CCDC66: variants seen among roughly 807,000 people sequenced by gnomAD.
CCDC66 encodes the protein coiled-coil domain containing 66.
CCDC66 carries 133 observed loss-of-function variants against 128.3 expected under a neutral mutation model. The ratio of observed to expected loss-of-function variants is 1.04; its 90% CI spans 0.90 to 1.20. The LOEUF (loss-of-function observed/expected upper bound fraction) is 1.20. CCDC66 is among the 50% of genes most tolerant of loss of function. The probability of loss-of-function intolerance (pLI) is 0.00; values close to 1 mark genes in which losing one functional copy is unlikely to be tolerated. For missense variants in CCDC66, 1,126 were observed against 1,075.5 expected (o/e 1.05, Z -0.66); for synonymous variants, 387 against 357.0 (o/e 1.08, Z -0.95).
Position 56,619,293 on chromosome 3 carries a change from G to A in CCDC66, c.2401G>A (p.Val801Ile), listed in dbSNP as rs778280285. 3.1e-6 allele frequency: 5 copies of A among 1,608,638 alleles called. No homozygotes were observed. Among genetic ancestry groups the A allele is most frequent in the South Asian group, 2.2e-5 (2 of 89,850 alleles). Residue 801 changes from valine (V) to isoleucine (I), a missense_variant, in exon 16 of 18, where the codon GTA (valine) becomes ATA (isoleucine). By Grantham distance (29) the Val-to-Ile change is conservative. Transcript: ENST00000394672. The stretch of plus-strand genomic sequence containing the variant: ...TAGGTCTCCATCATCACCAGTTCCA[G>A]TAGTGAAAAACAGAACCCAACAAAC... ...KERSPSSPVP[V>I]VKNRTQQTQN...
Position 56,621,710 on chromosome 3 carries a change from A to G in CCDC66, c.*92A>G. ...CAACTGTATTTTTCAAATAGCCTAG[A>G]TTTACTTATTTTTTTAAATGCTCAT... On this transcript the variant is annotated 3_prime_UTR_variant, in exon 18 of 18. Coordinates refer to ENST00000394672, the MANE Select transcript of CCDC66 (RefSeq NM_001141947.3). 1.3e-6 allele frequency: 1 copy of G among 791,956 alleles called. No homozygotes were observed. Among genetic ancestry groups the G allele is most frequent in the Middle Eastern group, 3.4e-4 (1 of 2,942 alleles). The allele number at this position is 791,956 out of a possible 1,614,324, so 49.1% of individuals were successfully genotyped here. A position where few individuals can be genotyped will look rare whatever the true frequency, so the allele number is the denominator to read the frequency against.
At chr3:56,595,446 G>C (rs988697941) in intron 10 of CCDC66, among the ~76,000 whole-genome samples, 2 of 152,052 alleles carry the variant, frequency 1.3e-5, no homozygotes, top group Non-Finnish European at 2.9e-5. Flanking sequence ...CCATTCTTTA[G>C]CTCGTTGAGA....
chr3:56,616,318 A>AC, intron 13 of CCDC66: 2 of 304,666 alleles, frequency 6.6e-6, no homozygotes, highest in Non-Finnish European at 1.2e-5. Flanking sequence ...GAAACACTGT[A>AC]CCCATTACTT....
At chr3:56,565,137 G>T (rs1559605462) in intron 4 of CCDC66, 10 of 424,992 alleles carry the variant, frequency 2.4e-5, no homozygotes, top group Non-Finnish European at 3.8e-5. Context: ...ATTATAGCTG[G>T]GCATAGAGAC....
chr3:56,592,534 T>TC (rs1340129596), intron 7 of CCDC66, among the ~76,000 whole-genome samples: 1 of 151,168 alleles, frequency 6.6e-6, no homozygotes, highest in Non-Finnish European at 1.5e-5. Context: ...AATTTTTTTT[T>TC]TTTTTTTCAG....
At chr3:56,571,668 G>A (rs1304357530) in intron 7 of CCDC66, among the ~76,000 whole-genome samples, 4 of 151,980 alleles carry the variant, frequency 2.6e-5, no homozygotes, top group South Asian at 4.1e-4. Context: ...ATGAGCCACC[G>A]TGCCCAGCCT....
At chr3:56,604,134 T>C (rs1252534383) in intron 10 of CCDC66, among the ~76,000 whole-genome samples, 3 of 152,088 alleles carry the variant, frequency 2.0e-5, no homozygotes, top group African/African-American at 7.3e-5. Context: ...GATTGGTAAA[T>C]ACTCCTTCAT....
intron 10 of CCDC66, among the ~76,000 whole-genome samples, chr3:56,597,513 A>T (rs2072219158): frequency 6.6e-6 from 1 of 151,898 alleles, no homozygotes; most frequent in Admixed American, 6.6e-5. Context: ...TGAACATGGG[A>T]TGTCTTGCCA....
At chr3:56,578,225 A>G (rs1247082653) in intron 7 of CCDC66, among the ~76,000 whole-genome samples, 1 of 151,674 alleles carries the variant, frequency 6.6e-6, no homozygotes, top group African/African-American at 2.4e-5. Context: ...TTCTTGGTGT[A>G]TAGGAATGCT....
At chr3:56,589,645 T>A (rs368274023) in intron 7 of CCDC66, among the ~76,000 whole-genome samples, 1 of 152,112 alleles carries the variant, frequency 6.6e-6, no homozygotes, top group African/African-American at 2.4e-5. Context: ...TAGCACAACA[T>A]TGAAAGGATG....
chr3:56,613,462 C>T, intron 10 of CCDC66, 127 bp from the exon 11 acceptor site: 1 of 924,656 alleles, frequency 1.1e-6, no homozygotes, highest in South Asian at 1.8e-5. Flanking sequence ...GTATGATTGT[C>T]TACTCATTAT....
chr3:56,600,375 C>T (rs2072946483), intron 10 of CCDC66, among the ~76,000 whole-genome samples: 1 of 151,854 alleles, frequency 6.6e-6, no homozygotes, highest in Non-Finnish European at 1.5e-5. Context: ...TCTCAATCTC[C>T]TGACCCCATG....
At chr3:56,571,369 A>C in intron 7 of CCDC66, 67 bp downstream of exon 7, 1 of 1,151,120 alleles carries the variant, frequency 8.7e-7, no homozygotes, top group Non-Finnish European at 1.2e-6. Flanking sequence ...TTATTTTTAA[A>C]GCTTATTAAA....
At chr3:56,574,610 G>GTTT (rs1295233715) in intron 7 of CCDC66, among the ~76,000 whole-genome samples, 9 of 151,808 alleles carry the variant, frequency 5.9e-5, no homozygotes. Context: ...AAAGCCTTGA[G>GTTT]TGTTAAAACA....
chr3:56,610,816 T>C (rs543523389), intron 10 of CCDC66, among the ~76,000 whole-genome samples: 1 of 152,288 alleles, frequency 6.6e-6, no homozygotes, highest in East Asian at 1.9e-4. Flanking sequence ...CCTGTGAGCC[T>C]AACTGCAGTG....
At chr3:56,591,893 A>G (rs947435102) in intron 7 of CCDC66, among the ~76,000 whole-genome samples, 18 of 152,198 alleles carry the variant, frequency 1.2e-4, no homozygotes, top group African/African-American at 4.1e-4. Context: ...GGATTCTGTC[A>G]AACAGTTTTT....
chr3:56,583,298 TTTTG>T (rs768872537), intron 7 of CCDC66, among the ~76,000 whole-genome samples: 15 of 151,950 alleles, frequency 9.9e-5, no homozygotes, highest in African/African-American at 1.9e-4. Flanking sequence ...GTTAAGAGGT[TTTTG>T]TTTGTTTGTT....
chr3:56,586,715 G>A (rs1322955771), intron 7 of CCDC66, among the ~76,000 whole-genome samples: 1 of 151,720 alleles, frequency 6.6e-6, no homozygotes, highest in Admixed American at 6.6e-5. Context: ...AAGACTTGAT[G>A]CTTAAAAGAG....
intron 10 of CCDC66, among the ~76,000 whole-genome samples, chr3:56,603,661 A>AT (rs2107177306): frequency 6.6e-6 from 1 of 151,848 alleles, no homozygotes; most frequent in South Asian, 2.1e-4. Context: ...CTGTGTTTTT[A>AT]TATCTAGTTT....
Sources: allele counts gnomAD v4.1 joint callset (sites outside exome capture counted in the v4.1 genomes callset), GRCh38; gene constraint gnomAD v4.1.1; transcripts MANE v1.5; gene names NCBI Gene and HGNC (gene_info 2026-07-23, HGNC 2026-07-21).